CHRM2: variants seen among roughly 807,000 people sequenced by gnomAD.
The protein encoded by CHRM2 is muscarinic acetylcholine receptor M2.
In CHRM2, 8 loss-of-function variants were observed where a neutral mutation model predicts 25.0. The ratio of observed to expected loss-of-function variants is 0.32; its 90% CI spans 0.19 to 0.58. The LOEUF (loss-of-function observed/expected upper bound fraction) is 0.58, where lower values mean the gene tolerates loss of function less well. Among genes scored for constraint, CHRM2 ranks in the 20% least tolerant of loss-of-function variants. The probability of loss-of-function intolerance (pLI) is 0.88; values close to 1 mark genes in which losing one functional copy is unlikely to be tolerated. For synonymous variants in CHRM2, 202 were observed against 205.7 expected (o/e 0.98, Z 0.15); for missense variants, 440 against 567.1 (o/e 0.78, Z 2.28).
chr7:136,891,800 A>T (rs1327787405), intron 2 of CHRM2, among the ~76,000 whole-genome samples: 1 of 152,202 alleles, frequency 6.6e-6, no homozygotes, highest in African/African-American at 2.4e-5. Flanking sequence ...TCCCCATGCT[A>T]AGCATAGCCA....
chr7:136,994,287 A>G (rs146657322), intron 3 of CHRM2, among the ~76,000 whole-genome samples: 49 of 152,328 alleles, frequency 3.2e-4, no homozygotes, highest in African/African-American at 9.4e-4. Context: ...TTTTGTATCC[A>G]TGCTTACTGC....
chr7:136,953,023 TG>T (rs1215267470), intron 2 of CHRM2, among the ~76,000 whole-genome samples: 1 of 152,196 alleles, frequency 6.6e-6, no homozygotes, highest in Non-Finnish European at 1.5e-5. Flanking sequence ...TGGTGAATAA[TG>T]CTGTAATGAG....
At chr7:136,911,476 C>T (rs1797839388) in intron 2 of CHRM2, among the ~76,000 whole-genome samples, 1 of 151,890 alleles carries the variant, frequency 6.6e-6, no homozygotes, top group Admixed American at 6.6e-5. Flanking sequence ...CAACTAGTTT[C>T]TGGCAGGGCT....
At chr7:136,950,243 C>G (rs949095044) in intron 2 of CHRM2, among the ~76,000 whole-genome samples, 2 of 152,102 alleles carry the variant, frequency 1.3e-5, no homozygotes, top group African/African-American at 4.8e-5. Context: ...GTAGAGTTTG[C>G]ATCAAGAAGA....
intron 2 of CHRM2, among the ~76,000 whole-genome samples, chr7:136,984,482 G>C (rs928228186): frequency 6.6e-6 from 1 of 151,914 alleles, no homozygotes; most frequent in Non-Finnish European, 1.5e-5. Context: ...GGCACCACCG[G>C]GGTAAGAAAA....
intron 3 of CHRM2, among the ~76,000 whole-genome samples, chr7:137,010,384 TG>T (rs1337342698): frequency 1.3e-5 from 2 of 152,098 alleles, no homozygotes; most frequent in African/African-American, 4.8e-5. Context: ...GCTATACACT[TG>T]CCATCTTAAG....
intron 2 of CHRM2, among the ~76,000 whole-genome samples, chr7:136,978,183 G>A (rs907632093): frequency 2.0e-5 from 3 of 151,948 alleles, no homozygotes; most frequent in Non-Finnish European, 2.9e-5. Flanking sequence ...ACATACCCAC[G>A]CAATAAATCT....
chr7:136,904,217 T>C (rs999274817), intron 2 of CHRM2, among the ~76,000 whole-genome samples: 2 of 151,896 alleles, frequency 1.3e-5, no homozygotes, highest in Admixed American at 6.6e-5. Flanking sequence ...AAATTTTACA[T>C]AGAACGATGA....
intron 2 of CHRM2, among the ~76,000 whole-genome samples, chr7:136,896,631 G>A (rs1329998566): frequency 6.6e-6 from 1 of 152,086 alleles, no homozygotes; most frequent in East Asian, 1.9e-4. Flanking sequence ...AACTAAAAAT[G>A]AAACATCTTT....
At chr7:136,947,334 A>T (rs1219579658) in intron 2 of CHRM2, among the ~76,000 whole-genome samples, 1 of 152,210 alleles carries the variant, frequency 6.6e-6, no homozygotes, top group Non-Finnish European at 1.5e-5. Flanking sequence ...TCATTTTCTT[A>T]ATATCTAGGG....
intron 2 of CHRM2, among the ~76,000 whole-genome samples, chr7:136,937,138 T>A (rs551317471): frequency 6.6e-6 from 1 of 152,202 alleles, no homozygotes; most frequent in Admixed American, 6.5e-5. Flanking sequence ...TAGGTAGTTT[T>A]CAATAATTTT....
chr7:136,932,777 C>T (rs763905565), intron 2 of CHRM2, among the ~76,000 whole-genome samples: 70 of 152,224 alleles, frequency 4.6e-4, no homozygotes, highest in Non-Finnish European at 7.8e-4. Flanking sequence ...TACCGATAAT[C>T]GCAGCACTTT....
At chr7:136,994,525 T>C (rs1191377778) in intron 3 of CHRM2, among the ~76,000 whole-genome samples, 4 of 134,560 alleles carry the variant, frequency 3.0e-5, no homozygotes, top group Non-Finnish European at 4.9e-5. Flanking sequence ...TCTTTTCTTT[T>C]TTTTTTTTTT....
chr7:136,954,039 C>T (rs1800574152), intron 2 of CHRM2, among the ~76,000 whole-genome samples: 1 of 152,074 alleles, frequency 6.6e-6, no homozygotes, highest in African/African-American at 2.4e-5. Context: ...AGAAGAGCCT[C>T]CAGGGCTCAG....
chr7:136,887,919 C>T (rs1796531894), intron 2 of CHRM2, among the ~76,000 whole-genome samples: 1 of 152,224 alleles, frequency 6.6e-6, no homozygotes, highest in African/African-American at 2.4e-5. Context: ...ACTTTGATGG[C>T]TACCTTTGAT....
intron 2 of CHRM2, among the ~76,000 whole-genome samples, chr7:136,926,064 C>T (rs539530341): frequency 6.1e-4 from 93 of 152,166 alleles, no homozygotes; most frequent in Non-Finnish European, 1.2e-3. Context: ...TGGTGAAACA[C>T]CACGTCTACT....
intron 2 of CHRM2, among the ~76,000 whole-genome samples, chr7:136,943,195 C>T (rs1316028339): frequency 2.6e-5 from 4 of 152,160 alleles, no homozygotes; most frequent in African/African-American, 9.6e-5. Flanking sequence ...CTCCTGGTGA[C>T]ATCCAATCAT....
chr7:136,999,401 T>A (rs2072976389), intron 3 of CHRM2, among the ~76,000 whole-genome samples: 1 of 152,136 alleles, frequency 6.6e-6, no homozygotes, highest in African/African-American at 2.4e-5. Flanking sequence ...TTTTACTTCT[T>A]TTTTTAATTA....
rs202195493 is a variant in CHRM2, at chr7:137,016,259, C to A, written c.1394C>A (p.Thr465Lys). 6 of 1,612,348 alleles carry A rather than the reference C, an allele frequency of 3.7e-6. No individual in the cohort carries two copies. Among genetic ancestry groups the A allele is most frequent in the Admixed American group, 1.7e-5 (1 of 59,886 alleles). Residue 465 changes from threonine (T) to lysine (K), a missense_variant, in exon 4 of 4, where the codon ACA becomes AAA. Physicochemically the swap from Thr to Lys is moderately conservative, Grantham distance 78 (BLOSUM62 -1). Transcript: ENST00000680005. ...LMCHYKNIGA[T>K]R is the part of the protein sequence containing the mutation. ...TGTCATTATAAGAACATAGGCGCTACAAGGTAAAATATCTTTGAAAAAGAT... is the reference window on the plus strand; with the variant it reads ...TGTCATTATAAGAACATAGGCGCTAAAAGGTAAAATATCTTTGAAAAAGAT...
Sources: allele counts gnomAD v4.1 joint callset (sites outside exome capture counted in the v4.1 genomes callset), GRCh38; gene constraint gnomAD v4.1.1; transcripts MANE v1.5; gene names NCBI Gene and HGNC (gene_info 2026-07-23, HGNC 2026-07-21).